SYT15: variants seen among roughly 807,000 people sequenced by gnomAD.
SYT15 encodes synaptotagmin 15, also known as synaptotagmin-15.
In SYT15, 4 loss-of-function variants were observed where a neutral mutation model predicts 30.1. The observed-to-expected ratio is 0.13, with a 90% CI of 0.07 to 0.30. SYT15 has a LOEUF of 0.30. SYT15 is among the 10% of genes least tolerant of loss of function. The pLI is 1.00. For synonymous variants in SYT15, 19 were observed against 166.3 expected (o/e 0.11, Z 6.82); for missense variants, 49 against 371.7 (o/e 0.13, Z 7.14).
intron 3 of SYT15, 101 bp downstream of exon 3, chr10:46,581,137 G>A: frequency 3.8e-6 from 2 of 524,184 alleles, no homozygotes; most frequent in Non-Finnish European, 6.7e-6. Flanking sequence ...AACCAGCCAG[G>A]GATGCCAGGG....
At chr10:46,592,230 T>G (rs2133465191), downstream of SYT15, among the ~76,000 whole-genome samples, 1 of 136,180 alleles carries the variant, frequency 7.3e-6, no homozygotes, top group South Asian at 2.4e-4. Context: ...TACATTATTA[T>G]AATCTAATAC....
rs868969580 is a variant in SYT15, at chr10:46,586,408, T to G, written c.1123+631T>G. Among the ~76,000 whole-genome samples the G allele has an allele frequency of 7.6e-4, 83 of 108,590 alleles. 5 individuals carry two copies. Among genetic ancestry groups the G allele is most frequent in the Middle Eastern group, 5.0e-3 (1 of 200 alleles). The allele number at this position is 108,590 out of a possible 152,430, so 71.2% of individuals were successfully genotyped here. On this transcript the variant is annotated intron_variant, in intron 7 of 7. Coordinates refer to ENST00000374321, the MANE Select transcript of SYT15 (RefSeq NM_031912.5). ...AAAAATACAAAAAATTAGCTGGGTG[T>G]GGTGGCTGGTGCCTGTAGTCCCAGC...
chr10:46,591,609 T>TA lies in SYT15; in HGVS notation c.*3963dup, dbSNP rs1209908350. On this transcript the variant is annotated 3_prime_UTR_variant, in exon 8 of 8. Coordinates refer to ENST00000374321, the MANE Select transcript of SYT15 (RefSeq NM_031912.5). Reference sequence around the variant, plus strand: ...GCATTCTGCAGTTGTGTGCAGGTGTTATGTGTATTTCAACTGGGTCAAGTT... The same window carrying TA: ...GCATTCTGCAGTTGTGTGCAGGTGTTAATGTGTATTTCAACTGGGTCAAGTT... The TA allele has an allele frequency of 7.2e-6, 1 of 138,454 alleles. No individual in the cohort carries two copies. Among genetic ancestry groups the TA allele is most frequent in the African/African-American group, 2.9e-5 (1 of 34,650 alleles). The allele number at this position is 138,454 out of a possible 1,614,324, so 8.6% of individuals were successfully genotyped here.
intron 7 of SYT15, among the ~76,000 whole-genome samples, chr10:46,586,715 C>T (rs1844994457): frequency 7.7e-6 from 1 of 129,138 alleles, no homozygotes; most frequent in African/African-American, 3.2e-5. Flanking sequence ...CGTGGTGGTG[C>T]ACGCCTGTAG....
downstream of SYT15, among the ~76,000 whole-genome samples, chr10:46,594,513 C>T (rs1251908795): frequency 3.6e-5 from 5 of 139,410 alleles, 1 homozygote; most frequent in African/African-American, 1.2e-4. Flanking sequence ...GAAAGTGTTC[C>T]TTTTCTGTGT....
intron 2 of SYT15, 120 bp from the exon 3 acceptor site, chr10:46,580,774 C>T: frequency 1.8e-6 from 1 of 549,824 alleles, no homozygotes; most frequent in Non-Finnish European, 3.2e-6. Context: ...GCCCTGGCCT[C>T]CTCCTGGCTC....
At chr10:46,593,368 A>G (rs1227067551), downstream of SYT15, 5 of 144,142 alleles carry the variant, frequency 3.5e-5, 1 homozygote, top group Non-Finnish European at 6.0e-5. Context: ...AGGCCAGTGG[A>G]TCACCTGAGG....
downstream of SYT15, among the ~76,000 whole-genome samples, chr10:46,594,637 C>G: frequency 1.4e-5 from 2 of 141,140 alleles, 1 homozygote; most frequent in Non-Finnish European, 3.0e-5. Flanking sequence ...TGCCTCTTAG[C>G]TATGGCCGTC....
intron 7 of SYT15, among the ~76,000 whole-genome samples, chr10:46,586,684 A>G (rs1442449312): frequency 7.2e-6 from 1 of 138,674 alleles, no homozygotes; most frequent in African/African-American, 2.9e-5. Context: ...GTCTGTACTA[A>G]AAATACAAAA....
chr10:46,584,782 C>T (rs1555039746), intron 6 of SYT15, among the ~76,000 whole-genome samples, 167 bp downstream of exon 6: 1 of 151,066 alleles, frequency 6.6e-6, no homozygotes, highest in African/African-American at 2.5e-5. Context: ...AGTTCTGGTG[C>T]AGGAAGCCTC....
Position 46,584,559 on chromosome 10 carries a change from C to A in SYT15, c.887C>A (p.Thr296Lys), listed in dbSNP as rs376045908. ...TACAACGACTACCTGAGCCGCCTGA[C>A]GGTGGTTGTGCTGCGTGCCAAGGGC... ...LSYNDYLSRL[T>K]VVVLRAKGLR... The change falls in exon 6 of 8, where the codon ACG becomes AAG. Residue 296 changes from threonine (T) to lysine (K), a missense_variant. By Grantham distance (78) the Thr-to-Lys change is moderately conservative. Transcript: ENST00000374321. 1.2e-6 allele frequency: 2 copies of A among 1,611,370 alleles called. No homozygotes were observed. The highest frequency in any genetic ancestry group is 2.7e-5 in the African/African-American group (2 of 74,578).
downstream of SYT15, chr10:46,593,562 T>A (rs1251485858): frequency 5.4e-5 from 8 of 148,852 alleles, 1 homozygote; most frequent in Non-Finnish European, 1.0e-4. Flanking sequence ...GCCACCGTAC[T>A]CCAGCCTGGG....
downstream of SYT15, chr10:46,596,811 C>T: frequency 4.6e-6 from 2 of 437,266 alleles, 1 homozygote; most frequent in Non-Finnish European, 9.1e-6. Context: ...CAAGCCTGGG[C>T]CAGACTTGGG....
Position 46,591,946 on chromosome 10 carries a change from CTT to C in SYT15, c.*4300_*4301del, listed in dbSNP as rs1424531386. ...ATGTTCTTATAATGATGTCATGTCT[CTT>C]GAATAGAGTTGTTTTAATCAAGTCT... On this transcript the variant is annotated 3_prime_UTR_variant, in exon 8 of 8. Coordinates refer to ENST00000374321, the MANE Select transcript of SYT15 (RefSeq NM_031912.5). The C allele has an allele frequency of 3.8e-5, 5 of 133,196 alleles. No homozygotes were observed. Among genetic ancestry groups the C allele is most frequent in the Admixed American group, 3.7e-4 (5 of 13,484 alleles). The allele number at this position is 133,196 out of a possible 1,614,324, so 8.3% of individuals were successfully genotyped here. A position where few individuals can be genotyped will look rare whatever the true frequency, so the allele number is the denominator to read the frequency against.
At position 46,586,666 on chromosome 10, in the gene SYT15, A is replaced by G. The variant is rs748548619; in HGVS notation, c.1124-839A>G. Reference sequence around the variant, plus strand: ...TCAAGACCATCCTGGCCAACATAGTAAAATTCCGTCTGTACTAAAAATACA... The same window carrying G: ...TCAAGACCATCCTGGCCAACATAGTGAAATTCCGTCTGTACTAAAAATACA... On this transcript the variant is annotated intron_variant, in intron 7 of 7. Transcript: ENST00000374321. 7.5e-3 allele frequency among the ~76,000 whole-genome samples: 1,059 copies of G among 141,006 alleles called. 112 individuals are homozygous for G. Among genetic ancestry groups the G allele is most frequent in the Non-Finnish European group, 0.012 (774 of 65,276 alleles). The allele number at this position is 141,006 out of a possible 152,430, so 92.5% of individuals were successfully genotyped here. A position where few individuals can be genotyped will look rare whatever the true frequency, so the allele number is the denominator to read the frequency against.
At chr10:46,586,585 G>A (rs1489773247) in intron 7 of SYT15, among the ~76,000 whole-genome samples, 1 of 138,806 alleles carries the variant, frequency 7.2e-6, no homozygotes, top group Admixed American at 7.1e-5. Flanking sequence ...GGTGGCTCAC[G>A]CCTATAATCC....
At chr10:46,582,623 CG>C (rs1844375220) in intron 4 of SYT15, among the ~76,000 whole-genome samples, 1 of 134,064 alleles carries the variant, frequency 7.5e-6, no homozygotes, top group Admixed American at 7.3e-5. Context: ...GAGGCCAGCG[CG>C]GGGCCCGAGT....
chr10:46,594,935 G>A (rs1555045133), downstream of SYT15, among the ~76,000 whole-genome samples: 1 of 98,490 alleles, frequency 1.0e-5, no homozygotes, highest in Non-Finnish European at 1.9e-5. Flanking sequence ...ATTTTATACA[G>A]GGAATGGGAT....
At chr10:46,583,976 G>GGGCTGATGC in intron 5 of SYT15, 74 bp downstream of exon 5, 1 of 925,788 alleles carries the variant, frequency 1.1e-6, no homozygotes, top group Non-Finnish European at 1.5e-6. Flanking sequence ...GCACCTGCTG[G>GGGCTGATGC]CGGCATCAGC....
Sources: gnomAD v4.1 joint callset for allele counts (sites outside exome capture counted in the v4.1 genomes callset) on GRCh38, gnomAD v4.1.1 for gene constraint, MANE v1.5 for transcripts, NCBI Gene and HGNC (gene_info 2026-07-23, HGNC 2026-07-21) for gene names.